Variants in ARHGAP5 observed in about 807,000 individuals in gnomAD.
ARHGAP5 encodes the protein Rho GTPase activating protein 5, also known as rho GTPase-activating protein 5.
In ARHGAP5, 23 loss-of-function variants were observed where a neutral mutation model predicts 116.6. The observed-to-expected ratio is 0.20, with a 90% CI of 0.14 to 0.28. The LOEUF is 0.28. Among genes scored for constraint, ARHGAP5 ranks in the 10% least tolerant of loss-of-function variants. The pLI is 1.00. For synonymous variants in ARHGAP5, 574 were observed against 602.0 expected, an observed-to-expected ratio of 0.95 and a Z score of 0.68; for missense variants, 1,405 against 1,774.8, an observed-to-expected ratio of 0.79 and a Z score of 3.74.
chr14:32,086,248 A>G (rs2139004812), intron 1 of ARHGAP5, among the ~76,000 whole-genome samples: 1 of 152,266 alleles, frequency 6.6e-6, no homozygotes, highest in East Asian at 1.9e-4. Flanking sequence ...GTAGAATAGT[A>G]TTAGGGGAGG....
intron 4 of ARHGAP5, among the ~76,000 whole-genome samples, chr14:32,146,943 C>T (rs1048834641): frequency 1.3e-5 from 2 of 152,086 alleles, no homozygotes; most frequent in African/African-American, 4.8e-5. Context: ...AGCATATACT[C>T]CGAGTTTCTT....
chr14:32,154,853 TTGG>T lies in ARHGAP5; in HGVS notation c.4418_4420del (p.Val1473del), dbSNP rs1881819621. 6.2e-7 allele frequency: 1 copy of T among 1,614,030 alleles called. No individual in the cohort carries two copies. Among genetic ancestry groups the T allele is most frequent in the African/African-American group, 1.3e-5 (1 of 74,920 alleles). The stretch of plus-strand genomic sequence containing the variant: ...TCCACCACCTTCAAACCCAGGACAG[TTGG>T]TGGAACCAATGGTGCCACTTCAGTT... On this transcript the variant is annotated inframe_deletion, in exon 7 of 7. Transcript: ENST00000345122.
intron 2 of ARHGAP5, among the ~76,000 whole-genome samples, chr14:32,096,762 A>T (rs1357469221): frequency 2.0e-5 from 3 of 152,228 alleles, no homozygotes; most frequent in Non-Finnish European, 4.4e-5. Context: ...TGTTTCAGAG[A>T]ATAGAAGACA....
intron 3 of ARHGAP5, 90 bp downstream of exon 3, chr14:32,117,377 A>G (rs1879656976): frequency 4.2e-6 from 5 of 1,199,082 alleles, no homozygotes; most frequent in South Asian, 3.6e-5. Context: ...ATTTGTTAAT[A>G]TAGTTCTCAT....
chr14:32,153,810 G>A (rs1382927123), intron 6 of ARHGAP5, among the ~76,000 whole-genome samples: 3 of 151,774 alleles, frequency 2.0e-5, no homozygotes, highest in Admixed American at 6.6e-5. Flanking sequence ...TCAGCCAGAT[G>A]CGGTGGCTCA....
intron 3 of ARHGAP5, among the ~76,000 whole-genome samples, chr14:32,131,839 G>GT (rs1566677960): frequency 6.6e-6 from 1 of 152,052 alleles, no homozygotes; most frequent in East Asian, 1.9e-4. Context: ...GCGGTGTTTG[G>GT]TTTTTTGTCC....
intron 3 of ARHGAP5, among the ~76,000 whole-genome samples, chr14:32,128,182 G>A (rs531550986): frequency 1.9e-3 from 284 of 150,486 alleles, no homozygotes; most frequent in Non-Finnish European, 3.3e-3. Context: ...GGGAAGAGGC[G>A]CTCCTCACTT....
chr14:32,154,392 G>A (rs1487306798), intron 6 of ARHGAP5: 7 of 427,894 alleles, frequency 1.6e-5, no homozygotes, highest in Non-Finnish European at 2.9e-5. Flanking sequence ...CAGGTGATCC[G>A]CCTGCCTCAG....
At chr14:32,145,093 T>C (rs1020232719) in intron 3 of ARHGAP5, among the ~76,000 whole-genome samples, 5 of 152,308 alleles carry the variant, frequency 3.3e-5, no homozygotes, top group Admixed American at 2.0e-4. Context: ...TCCTCTGACG[T>C]TGCACCAGCA....
At position 32,143,224 on chromosome 14, in the gene ARHGAP5, G is replaced by GTTATTA. The variant is rs1427657144; in HGVS notation, c.3866-3037_3866-3036insATTATT. Among the ~76,000 whole-genome samples, 440 of 147,260 alleles carry GTTATTA rather than the reference G, an allele frequency of 3.0e-3. 3 individuals are homozygous for GTTATTA. The highest frequency in any genetic ancestry group is 0.011 in the African/African-American group (427 of 37,454). ...TTTAGTTGTTGTTGTTGTTGTTGTT[G>GTTATTA]TTGTTGTTGTTGTTGTTATTATTAT... On this transcript the variant is annotated intron_variant, in intron 3 of 6. Coordinates refer to ENST00000345122, the MANE Select transcript of ARHGAP5 (RefSeq NM_001030055.2).
intron 2 of ARHGAP5, among the ~76,000 whole-genome samples, chr14:32,097,053 TAG>T (rs1030946458): frequency 5.3e-5 from 8 of 152,198 alleles, no homozygotes; most frequent in African/African-American, 1.9e-4. Context: ...AATCATTGTT[TAG>T]AGTGAGTATC....
intron 2 of ARHGAP5, among the ~76,000 whole-genome samples, chr14:32,103,761 C>A (rs1486308017): frequency 6.6e-6 from 1 of 152,088 alleles, no homozygotes; most frequent in Non-Finnish European, 1.5e-5. Flanking sequence ...GTCATCTCAG[C>A]TAAAGTGTGG....
At chr14:32,104,307 T>C (rs990903565) in intron 2 of ARHGAP5, among the ~76,000 whole-genome samples, 5 of 152,212 alleles carry the variant, frequency 3.3e-5, no homozygotes, top group East Asian at 1.9e-4. Flanking sequence ...ATATATAATA[T>C]ATGTTGAAAT....
chr14:32,121,681 C>T (rs2139080447), intron 3 of ARHGAP5, among the ~76,000 whole-genome samples: 1 of 152,310 alleles, frequency 6.6e-6, no homozygotes, highest in South Asian at 2.1e-4. Context: ...GTACCAGCTT[C>T]ACCACAATCA....
In ARHGAP5 at chr14:32,091,395, G is replaced by A. The variant is rs1290783389; in HGVS notation, c.726G>A (p.Leu242=). The change falls in exon 2 of 7, where the codon CTG becomes CTA. Residue 242 remains leucine (L), a synonymous_variant. Coordinates refer to ENST00000345122, the MANE Select transcript of ARHGAP5 (RefSeq NM_001030055.2). ...ACATTGAAACATGTTTTACTGCACTGGTACAAATGTTGGATAAAACTCGTA... is the reference window on the plus strand; with the variant it reads ...ACATTGAAACATGTTTTACTGCACTAGTACAAATGTTGGATAAAACTCGTA... ...NVNIETCFTA[L]VQMLDKTRSK... The A allele has an allele frequency of 6.2e-7, 1 of 1,611,176 alleles. No individual in the cohort carries two copies. Among genetic ancestry groups the A allele is most frequent in the East Asian group, 2.2e-5 (1 of 44,838 alleles).
At chr14:32,154,514 G>T in intron 6 of ARHGAP5, 107 bp from the exon 7 acceptor site, 2 of 1,024,060 alleles carry the variant, frequency 2.0e-6, no homozygotes. Flanking sequence ...CCCCAGGTTT[G>T]AAGTAGGATA....
Position 32,156,529 on chromosome 14 carries a change from T to C in ARHGAP5, c.*1581T>C, listed in dbSNP as rs1881899730. ...TGAAGTACATGTATATTATAAATTATCTTATTTGTGTTATACTCTTACATG... is the reference window on the plus strand; with the variant it reads ...TGAAGTACATGTATATTATAAATTACCTTATTTGTGTTATACTCTTACATG... On this transcript the variant is annotated 3_prime_UTR_variant, in exon 7 of 7. Coordinates refer to ENST00000345122, the MANE Select transcript of ARHGAP5 (RefSeq NM_001030055.2). 6.6e-6 allele frequency: 1 copy of C among 152,352 alleles called. No individual in the cohort carries two copies. Among genetic ancestry groups the C allele is most frequent in the African/African-American group, 2.4e-5 (1 of 41,430 alleles). The allele number at this position is 152,352 out of a possible 1,614,324, so 9.4% of individuals were successfully genotyped here.
intron 2 of ARHGAP5, among the ~76,000 whole-genome samples, chr14:32,103,897 T>C (rs1323359635): frequency 6.6e-6 from 1 of 152,160 alleles, no homozygotes; most frequent in Non-Finnish European, 1.5e-5. Context: ...CAACAAAATA[T>C]AAGGATATGA....
At chr14:32,079,714 T>C (rs2041753045) in intron 1 of ARHGAP5, among the ~76,000 whole-genome samples, 1 of 152,202 alleles carries the variant, frequency 6.6e-6, no homozygotes, top group Admixed American at 6.5e-5. Flanking sequence ...AAGATGAGTG[T>C]TGGCCTTTAG....
Sources: allele counts gnomAD v4.1 joint callset (sites outside exome capture counted in the v4.1 genomes callset), GRCh38; gene constraint gnomAD v4.1.1; transcripts MANE v1.5; gene names NCBI Gene and HGNC (gene_info 2026-07-23, HGNC 2026-07-21).